SGCZ: variants seen among roughly 807,000 people sequenced by gnomAD.
SGCZ encodes the protein zeta-sarcoglycan.
SGCZ carries 40 observed loss-of-function variants against 41.3 expected under a neutral mutation model. The observed-to-expected ratio is 0.97, with a 90% confidence interval of 0.75 to 1.26. The LOEUF (loss-of-function observed/expected upper bound fraction) is 1.26. Among genes scored for constraint, SGCZ ranks in the 50% most tolerant of loss-of-function variants. The pLI is 0.00. For missense variants in SGCZ, 552 were observed against 369.8 expected (o/e 1.49, Z -4.04); for synonymous variants, 206 against 137.5 (o/e 1.50, Z -3.49).
chr8:14,379,736 A>G (rs1187323122), intron 2 of SGCZ, among the ~76,000 whole-genome samples: 1 of 151,932 alleles, frequency 6.6e-6, no homozygotes, highest in Non-Finnish European at 1.5e-5. Context: ...ATATATATAT[A>G]CATATATATT....
At chr8:15,099,564 C>G (rs1003264887) in intron 1 of SGCZ, among the ~76,000 whole-genome samples, 1 of 152,116 alleles carries the variant, frequency 6.6e-6, no homozygotes, top group African/African-American at 2.4e-5. Context: ...ACTACCGGCT[C>G]TGCAAAAAAT....
chr8:15,209,879 C>G (rs1481590041), intron 1 of SGCZ, among the ~76,000 whole-genome samples: 3 of 152,168 alleles, frequency 2.0e-5, no homozygotes, highest in Non-Finnish European at 1.5e-5. Context: ...GCTTCTCCAA[C>G]TTTGCCAAGT....
chr8:15,169,353 G>C (rs976607486), intron 1 of SGCZ, among the ~76,000 whole-genome samples: 2 of 152,154 alleles, frequency 1.3e-5, no homozygotes, highest in Non-Finnish European at 2.9e-5. Context: ...ACGTTTGCAG[G>C]GGGAGGAGCC....
chr8:14,430,259 C>T (rs1191649162), intron 2 of SGCZ, among the ~76,000 whole-genome samples: 15 of 152,094 alleles, frequency 9.9e-5, no homozygotes, highest in Admixed American at 7.9e-4. Flanking sequence ...AACCTACAGA[C>T]CACTATCCCT....
intron 2 of SGCZ, among the ~76,000 whole-genome samples, chr8:14,425,313 G>C (rs530389565): frequency 6.6e-6 from 1 of 152,088 alleles, no homozygotes; most frequent in South Asian, 2.1e-4. Flanking sequence ...GTGCTGTGAT[G>C]TAAAAAATTT....
intron 1 of SGCZ, among the ~76,000 whole-genome samples, chr8:14,662,266 A>T (rs755196431): frequency 6.6e-6 from 1 of 152,194 alleles, no homozygotes; most frequent in Non-Finnish European, 1.5e-5. Flanking sequence ...AGGTTGACAG[A>T]CTTTGGATTC....
intron 3 of SGCZ, among the ~76,000 whole-genome samples, chr8:14,287,188 A>G (rs1297688902): frequency 6.6e-6 from 1 of 151,310 alleles, no homozygotes; most frequent in African/African-American, 2.4e-5. Flanking sequence ...TTTCCTGTTT[A>G]CCAGTTGTCT....
intron 4 of SGCZ, among the ~76,000 whole-genome samples, chr8:14,215,588 C>G (rs1253420673): frequency 2.0e-5 from 3 of 151,218 alleles, no homozygotes; most frequent in African/African-American, 7.3e-5. Context: ...AAAATTTAAG[C>G]CATTCAAGAT....
chr8:15,044,046 A>G lies in SGCZ; in HGVS notation c.39+193539T>C, dbSNP rs369607986. On this transcript the variant is annotated intron_variant, in intron 1 of 7. Transcript: ENST00000382080. ...TGCCTATATTGCCATGCTTTCCTGC[A>G]AAATAAAGCTTAATTGCTATCCCTG... Among the ~76,000 whole-genome samples the G allele has an allele frequency of 3.2e-4, 49 of 152,316 alleles. No homozygotes were observed. The East Asian group carries it at 7.9e-3, about 25-fold the overall frequency.
chr8:14,418,115 C>T (rs1799545834), intron 2 of SGCZ, among the ~76,000 whole-genome samples: 1 of 151,874 alleles, frequency 6.6e-6, no homozygotes, highest in Non-Finnish European at 1.5e-5. Flanking sequence ...ACACGCCCTG[C>T]CTTCACTGGG....
At chr8:15,194,185 T>TCACACACACACACACA (rs34127082) in intron 1 of SGCZ, among the ~76,000 whole-genome samples, 2 of 139,494 alleles carry the variant, frequency 1.4e-5, no homozygotes, top group African/African-American at 5.3e-5. Context: ...CCACCTCTAA[T>TCACACACACACACACA]CACACACACA....
intron 1 of SGCZ, among the ~76,000 whole-genome samples, chr8:14,642,007 C>T (rs1297605420): frequency 1.3e-5 from 2 of 151,652 alleles, no homozygotes; most frequent in Non-Finnish European, 3.0e-5. Context: ...AAATGACCTA[C>T]ATAGTGTCTT....
intron 3 of SGCZ, among the ~76,000 whole-genome samples, chr8:14,272,991 A>C (rs913737452): frequency 2.0e-5 from 3 of 152,018 alleles, no homozygotes; most frequent in Admixed American, 2.0e-4. Context: ...GAAATAAACA[A>C]AGTTACATTT....
intron 1 of SGCZ, among the ~76,000 whole-genome samples, chr8:14,792,589 T>A (rs1800991001): frequency 1.3e-5 from 2 of 152,036 alleles, no homozygotes; most frequent in Admixed American, 1.3e-4. Context: ...TATTATACTT[T>A]AAGTTTTAGG....
At chr8:14,585,733 T>G (rs1395814835) in intron 1 of SGCZ, among the ~76,000 whole-genome samples, 1 of 152,140 alleles carries the variant, frequency 6.6e-6, no homozygotes, top group African/African-American at 2.4e-5. Flanking sequence ...CTTAATACAT[T>G]TAATACTCAA....
At chr8:15,081,230 T>G (rs1805736208) in intron 1 of SGCZ, among the ~76,000 whole-genome samples, 1 of 152,162 alleles carries the variant, frequency 6.6e-6, no homozygotes, top group African/African-American at 2.4e-5. Context: ...TCCCTGAAAA[T>G]GAAGCTTTTG....
intron 1 of SGCZ, among the ~76,000 whole-genome samples, chr8:14,563,899 T>C (rs1466345471): frequency 6.6e-6 from 1 of 152,172 alleles, no homozygotes; most frequent in Non-Finnish European, 1.5e-5. Flanking sequence ...AAATATTACA[T>C]TTAACAATTT....
intron 1 of SGCZ, among the ~76,000 whole-genome samples, chr8:14,604,665 C>T (rs909615573): frequency 6.6e-6 from 1 of 152,058 alleles, no homozygotes; most frequent in East Asian, 1.9e-4. Context: ...AGTATTGTTT[C>T]CAGTATTAAC....
chr8:14,218,031 G>A (rs1159129759), intron 4 of SGCZ, among the ~76,000 whole-genome samples: 1 of 151,834 alleles, frequency 6.6e-6, no homozygotes, highest in East Asian at 1.9e-4. Context: ...TTTACCAAAG[G>A]GTAAAATATT....
Sources: gnomAD v4.1 joint callset for allele counts (sites outside exome capture counted in the v4.1 genomes callset) on GRCh38, gnomAD v4.1.1 for gene constraint, MANE v1.5 for transcripts, NCBI Gene and HGNC (gene_info 2026-07-23, HGNC 2026-07-21) for gene names.